The following ATXN2 variants were observed in gnomAD, a reference collection of about 807,000 sequenced individuals.
ATXN2 encodes ataxin-2.
ATXN2 carries 37 observed loss-of-function variants against 138.6 expected under a neutral mutation model. That is an observed-to-expected ratio of 0.27 (90% confidence interval 0.21 to 0.35). The LOEUF is 0.35. Among genes scored for constraint, ATXN2 ranks in the 10% least tolerant of loss-of-function variants. ATXN2 has a pLI of 1.00. For synonymous variants in ATXN2, 549 were observed against 543.7 expected, an observed-to-expected ratio of 1.01 and a Z score of -0.13; for missense variants, 1,216 against 1,480.3, an observed-to-expected ratio of 0.82 and a Z score of 2.93.
chr12:111,500,184 A>G (rs1592836446), intron 14 of ATXN2, among the ~76,000 whole-genome samples: 1 of 152,244 alleles, frequency 6.6e-6, no homozygotes, highest in African/African-American at 2.4e-5. Flanking sequence ...CACTATATAC[A>G]CAACAGCCAA....
At chr12:111,594,242 T>C (rs1032082861) in intron 1 of ATXN2, among the ~76,000 whole-genome samples, 1 of 152,184 alleles carries the variant, frequency 6.6e-6, no homozygotes, top group African/African-American at 2.4e-5. Flanking sequence ...TCAACGTAGA[T>C]ATTTTAGGCC....
At chr12:111,500,544 C>A (rs138927733) in intron 14 of ATXN2, among the ~76,000 whole-genome samples, 3 of 151,970 alleles carry the variant, frequency 2.0e-5, no homozygotes, top group African/African-American at 7.2e-5. Context: ...TCTGCAGGAC[C>A]GGAGGCAGAA....
intron 14 of ATXN2, among the ~76,000 whole-genome samples, chr12:111,506,397 T>C (rs1879112010): frequency 6.6e-6 from 1 of 152,162 alleles, no homozygotes; most frequent in Non-Finnish European, 1.5e-5. Context: ...AAACCACTGA[T>C]TTATACACTT....
At position 111,547,151 on chromosome 12, in the gene ATXN2, G is replaced by A. The variant is rs1189333012; in HGVS notation, c.571+5129C>T. ...ATGTTAAAAGGTTTCCCCAGCAGCCGAGTGTGGTGGCTCACGCCTGTAATC... is the reference window on the plus strand; with the variant it reads ...ATGTTAAAAGGTTTCCCCAGCAGCCAAGTGTGGTGGCTCACGCCTGTAATC... On this transcript the variant is annotated intron_variant, in intron 5 of 24. Coordinates refer to ENST00000673436, the MANE Select transcript of ATXN2 (RefSeq NM_001372574.1). Among the ~76,000 whole-genome samples the A allele has an allele frequency of 7.2e-5, 11 of 152,320 alleles. No homozygotes were observed. In the East Asian group the frequency reaches 1.9e-3, roughly 27 times the overall value.
intron 1 of ATXN2, among the ~76,000 whole-genome samples, chr12:111,584,444 G>A (rs1001351455): frequency 6.8e-5 from 10 of 147,292 alleles, no homozygotes; most frequent in African/African-American, 2.5e-4. Context: ...TGGCAGAGCA[G>A]GACTAGTCCA....
intron 1 of ATXN2, among the ~76,000 whole-genome samples, chr12:111,585,801 C>CAAAAAA (rs761433806): frequency 4.0e-5 from 1 of 24,800 alleles, no homozygotes. Context: ...AACTCCATCT[C>CAAAAAA]AAAAAAAAAA....
chr12:111,588,763 G>C (rs564829583), intron 1 of ATXN2, among the ~76,000 whole-genome samples: 1 of 151,526 alleles, frequency 6.6e-6, no homozygotes, highest in East Asian at 1.9e-4. Context: ...AAGCCGAGGC[G>C]GGCAGATCAA....
At chr12:111,533,127 T>C (rs1333933945) in intron 5 of ATXN2, among the ~76,000 whole-genome samples, 1 of 152,290 alleles carries the variant, frequency 6.6e-6, no homozygotes, top group East Asian at 1.9e-4. Context: ...GATGACACAG[T>C]CATGAAAGCA....
chr12:111,494,425 C>CTT (rs757341708), intron 14 of ATXN2, among the ~76,000 whole-genome samples: 31 of 133,734 alleles, frequency 2.3e-4, no homozygotes, highest in South Asian at 4.8e-4. Context: ...TATGTGATCT[C>CTT]TTTTTTTTTT....
chr12:111,497,319 T>C (rs1410159217), intron 14 of ATXN2, among the ~76,000 whole-genome samples: 2 of 152,100 alleles, frequency 1.3e-5, no homozygotes, highest in African/African-American at 2.4e-5. Flanking sequence ...CTAATACCAA[T>C]CCTACTCAAA....
At chr12:111,462,969 T>TACACACACACACAC (rs199797015) in intron 21 of ATXN2, among the ~76,000 whole-genome samples, 9 of 136,124 alleles carry the variant, frequency 6.6e-5, no homozygotes, top group Admixed American at 2.2e-4. Flanking sequence ...CATACATATA[T>TACACACACACACAC]ATATATATAC....
intron 20 of ATXN2, among the ~76,000 whole-genome samples, chr12:111,466,652 A>T (rs1876049192): frequency 6.6e-6 from 1 of 152,238 alleles, no homozygotes; most frequent in Non-Finnish European, 1.5e-5. Context: ...TGTATTAAAC[A>T]TACTAAAAAT....
chr12:111,515,426 T>C (rs1360826237), intron 10 of ATXN2, among the ~76,000 whole-genome samples: 2 of 152,206 alleles, frequency 1.3e-5, no homozygotes, highest in Non-Finnish European at 2.9e-5. Flanking sequence ...GTATTTGATA[T>C]GTGGCAATGA....
At chr12:111,491,585 A>AG (rs1411502393) in intron 14 of ATXN2, among the ~76,000 whole-genome samples, 2 of 152,212 alleles carry the variant, frequency 1.3e-5, no homozygotes, top group African/African-American at 2.4e-5. Context: ...CACCAAGCAT[A>AG]GTTCTGAAGC....
At chr12:111,488,832 C>T in intron 14 of ATXN2, 52 bp from the exon 15 acceptor site, 2 of 1,428,406 alleles carry the variant, frequency 1.4e-6, no homozygotes, top group East Asian at 2.5e-5. Context: ...TTTAGTAATA[C>T]ATTTTTGCCA....
At chr12:111,484,966 A>T (rs992538473) in intron 18 of ATXN2, 2 of 250,702 alleles carry the variant, frequency 8.0e-6, no homozygotes, top group African/African-American at 4.4e-5. Context: ...GAGCTCAAGC[A>T]ATCCTCCTGC....
At chr12:111,504,494 T>C (rs2135721036) in intron 14 of ATXN2, among the ~76,000 whole-genome samples, 1 of 152,286 alleles carries the variant, frequency 6.6e-6, no homozygotes, top group South Asian at 2.1e-4. Flanking sequence ...TTTCACCATT[T>C]GGTCAGACTG....
intron 1 of ATXN2, among the ~76,000 whole-genome samples, chr12:111,570,853 T>C (rs1883277285): frequency 6.6e-6 from 1 of 152,234 alleles, no homozygotes; most frequent in African/African-American, 2.4e-5. Flanking sequence ...AAATGTGTAA[T>C]GAATTAATGA....
intron 1 of ATXN2, among the ~76,000 whole-genome samples, chr12:111,592,461 A>C (rs1308749203): frequency 6.6e-6 from 1 of 151,678 alleles, no homozygotes; most frequent in Non-Finnish European, 1.5e-5. Context: ...GAAAAAAACA[A>C]AAAAAACACA....
Sources: allele counts gnomAD v4.1 joint callset (sites outside exome capture counted in the v4.1 genomes callset), GRCh38; gene constraint gnomAD v4.1.1; transcripts MANE v1.5; gene names NCBI Gene and HGNC (gene_info 2026-07-23, HGNC 2026-07-21).